The following ANKRD30B variants were observed in gnomAD, a reference collection of about 807,000 sequenced individuals.
The protein encoded by ANKRD30B is ankyrin repeat domain-containing protein 30B.
ANKRD30B carries 144 observed loss-of-function variants against 202.2 expected under a neutral mutation model. The ratio of observed to expected loss-of-function variants is 0.71; its 90% confidence interval spans 0.62 to 0.82. The LOEUF (loss-of-function observed/expected upper bound fraction) is 0.82. Among genes scored for constraint, ANKRD30B ranks in the 40% least tolerant of loss-of-function variants. ANKRD30B has a pLI of 0.00. For missense variants in ANKRD30B, 1,487 were observed against 1,669.1 expected (o/e 0.89, Z 1.90); for synonymous variants, 508 against 561.3 (o/e 0.91, Z 1.34).
At chr18:14,878,480 G>T in the ANKRD30B span, among the ~76,000 whole-genome samples, 1 of 151,938 alleles carries the variant, frequency 6.6e-6, no homozygotes, top group African/African-American at 2.4e-5. Context: ...GGTTTCTGGG[G>T]ACAGTGAAAA....
chr18:14,786,415 A>T (rs1027052129), intron 14 of ANKRD30B, among the ~76,000 whole-genome samples: 3 of 152,208 alleles, frequency 2.0e-5, no homozygotes, highest in Admixed American at 6.5e-5. Flanking sequence ...TTAGGGAAGC[A>T]GTGTGTCGTT....
the ANKRD30B span, among the ~76,000 whole-genome samples, chr18:14,922,966 C>CA: frequency 1.3e-5 from 2 of 152,146 alleles, no homozygotes; most frequent in African/African-American, 2.4e-5. Context: ...GCAGAGTCAC[C>CA]AGGCCCTACT....
At position 14,748,363 on chromosome 18, in the gene ANKRD30B, G is replaced by T; in HGVS notation, c.-57G>T. 4 of 1,369,684 alleles carry T rather than the reference G, an allele frequency of 2.9e-6. No homozygotes were observed. Among genetic ancestry groups the T allele is most frequent in the Non-Finnish European group, 3.8e-6 (4 of 1,041,820 alleles). 84.8% of individuals were successfully genotyped at this position (1,369,684 alleles called of 1,614,324 possible). On this transcript the variant is annotated 5_prime_UTR_variant, in exon 1 of 44. In the 5' UTR this introduces an upstream ATG that the reference lacks. Transcript: ENST00000690538. ...AAGCGGGAAGCGAGGGCGAGGGGTA[G>T]GGGCTGGGGAAGGGCGAGCGGGAGG...
intron 33 of ANKRD30B, chr18:14,830,278 C>T (rs1036128743): frequency 1.3e-5 from 2 of 153,326 alleles, no homozygotes; most frequent in African/African-American, 4.8e-5. Context: ...TATCAGGACT[C>T]AGTTTTTCTA....
intron 18 of ANKRD30B, among the ~76,000 whole-genome samples, chr18:14,797,214 C>G (rs1968964829): frequency 6.6e-6 from 1 of 152,052 alleles, no homozygotes; most frequent in South Asian, 2.1e-4. Context: ...AGGTACCCCC[C>G]CATGCGTCTG....
intron 30 of ANKRD30B, among the ~76,000 whole-genome samples, chr18:14,815,537 C>G (rs192515128): frequency 3.4e-4 from 51 of 152,012 alleles, no homozygotes; most frequent in African/African-American, 1.1e-3. Context: ...AAAGGAGAGG[C>G]CTTTCATGGG....
chr18:14,760,908 T>C (rs1915154401), intron 6 of ANKRD30B, among the ~76,000 whole-genome samples: 1 of 152,172 alleles, frequency 6.6e-6, no homozygotes, highest in Non-Finnish European at 1.5e-5. Context: ...ATATTTTGTG[T>C]ATATAGGTAA....
chr18:14,818,098 A>G (rs1328649208), intron 30 of ANKRD30B, among the ~76,000 whole-genome samples: 4 of 152,180 alleles, frequency 2.6e-5, no homozygotes, highest in Non-Finnish European at 4.4e-5. Context: ...TGTTTTATTC[A>G]TATTATTTGA....
chr18:14,888,846 A>G, the ANKRD30B span: 1 of 940,610 alleles, frequency 1.1e-6, no homozygotes, highest in Non-Finnish European at 1.6e-6. Context: ...TATGTGTTGT[A>G]ATGGTTTTCC....
At chr18:14,856,223 C>T, downstream of ANKRD30B, among the ~76,000 whole-genome samples, 1 of 136,810 alleles carries the variant, frequency 7.3e-6, no homozygotes, top group East Asian at 2.2e-4. Context: ...CTTCTCACCT[C>T]CCAGATGATT....
intron 10 of ANKRD30B, among the ~76,000 whole-genome samples, chr18:14,779,130 T>G (rs1967564144): frequency 6.6e-6 from 1 of 152,150 alleles, no homozygotes; most frequent in Admixed American, 6.6e-5. Flanking sequence ...ACTTTCGAGT[T>G]TCTGAATAGG....
At chr18:14,895,387 G>A in the ANKRD30B span, among the ~76,000 whole-genome samples, 2 of 152,190 alleles carry the variant, frequency 1.3e-5, no homozygotes, top group African/African-American at 2.4e-5. Flanking sequence ...AGTGCTGTAC[G>A]CTGGCAAGGA....
chr18:14,782,371 T>C (rs752346854), intron 11 of ANKRD30B, among the ~76,000 whole-genome samples, 156 bp from the exon 12 acceptor site: 6 of 152,226 alleles, frequency 3.9e-5, no homozygotes, highest in Non-Finnish European at 7.3e-5. Flanking sequence ...TATGTGAGGG[T>C]TTCCATCAAA....
At chr18:14,794,810 C>T (rs1291115981) in intron 16 of ANKRD30B, among the ~76,000 whole-genome samples, 3 of 152,094 alleles carry the variant, frequency 2.0e-5, no homozygotes, top group Non-Finnish European at 4.4e-5. Context: ...GATCAATCAA[C>T]TCCAAAGGAA....
chr18:14,882,679 A>G, the ANKRD30B span, among the ~76,000 whole-genome samples: 1 of 152,080 alleles, frequency 6.6e-6, no homozygotes, highest in East Asian at 1.9e-4. Flanking sequence ...TGTCTTGATG[A>G]TCTGTCTAGT....
chr18:14,818,595 A>T (rs1157738404), intron 30 of ANKRD30B, among the ~76,000 whole-genome samples: 3 of 142,962 alleles, frequency 2.1e-5, no homozygotes, highest in African/African-American at 7.9e-5. Flanking sequence ...CCCACCTATT[A>T]GTGAGAATAT....
At chr18:14,831,165 G>A (rs1970906803) in intron 33 of ANKRD30B, among the ~76,000 whole-genome samples, 1 of 117,714 alleles carries the variant, frequency 8.5e-6, no homozygotes, top group Admixed American at 9.8e-5. Flanking sequence ...GGGCGACAGA[G>A]CGAGACTCCG....
the ANKRD30B span, among the ~76,000 whole-genome samples, chr18:14,922,667 A>AG: frequency 1.1e-4 from 17 of 151,382 alleles, no homozygotes; most frequent in African/African-American, 2.7e-4. Context: ...AAAAAAAAAA[A>AG]AAAAGAAAAG....
At chr18:14,793,852 A>G (rs1247945654) in intron 16 of ANKRD30B, among the ~76,000 whole-genome samples, 1 of 151,900 alleles carries the variant, frequency 6.6e-6, no homozygotes. Context: ...CGAGATCTCA[A>G]CACTGCACTC....
Sources: allele counts gnomAD v4.1 joint callset (sites outside exome capture counted in the v4.1 genomes callset), GRCh38; gene constraint gnomAD v4.1.1; transcripts MANE v1.5; gene names NCBI Gene and HGNC (gene_info 2026-07-23, HGNC 2026-07-21).